The following ADRA2C variants were observed in gnomAD, a reference collection of about 807,000 sequenced individuals.
ADRA2C encodes adrenoceptor alpha 2C.
In ADRA2C, 4 loss-of-function variants were observed where a neutral mutation model predicts 7.9. The observed-to-expected ratio is 0.51, with a 90% CI of 0.25 to 1.16. The LOEUF (loss-of-function observed/expected upper bound fraction) is 1.16. ADRA2C is among the 50% of genes most tolerant of loss of function. ADRA2C has a pLI of 0.15. For synonymous variants in ADRA2C, 368 were observed against 328.9 expected (o/e 1.12, Z -1.29); for missense variants, 589 against 677.7 (o/e 0.87, Z 1.45).
Position 3,767,646 on chromosome 4 carries a change from G to A in ADRA2C, c.1040G>A (p.Arg347His). ...CCGGGGCCCGGTGGCCGCCTGTCGC[G>A]CGCCAGCTCGCGCTCCGTCGAGTTC... ...RSPGPGGRLS[R>H]ASSRSVEFFL... Residue 347 changes from arginine (R) to histidine (H), a missense_variant, in exon 1 of 1, where the codon CGC (arginine) becomes CAC (histidine). By Grantham distance (29) the Arg-to-His change is conservative. Coordinates refer to ENST00000330055, the MANE Select transcript of ADRA2C (RefSeq NM_000683.4). 1 of 1,404,792 alleles carries A rather than the reference G, an allele frequency of 7.1e-7. No individual in the cohort carries two copies. Among genetic ancestry groups the A allele is most frequent in the South Asian group, 1.6e-5 (1 of 63,028 alleles). 87.0% of individuals were successfully genotyped at this position (1,404,792 alleles called of 1,614,324 possible).
Position 3,768,270 on chromosome 4 carries a change from CT to C in ADRA2C, c.*276del, listed in dbSNP as rs1486019668. On this transcript the variant is annotated 3_prime_UTR_variant, in exon 1 of 1. Coordinates refer to ENST00000330055, the MANE Select transcript of ADRA2C (RefSeq NM_000683.4). ...CTCTGGGAGCCCTGCCGAGGTGTGG[CT>C]GTGAGGTCAGGGTTTTAGAGAGCAG... 1 of 717,324 alleles carries C rather than the reference CT, an allele frequency of 1.4e-6. No homozygotes were observed. The highest frequency in any genetic ancestry group is 2.6e-6 in the Non-Finnish European group (1 of 385,278). 44.4% of individuals were successfully genotyped at this position (717,324 alleles called of 1,614,324 possible). A position where few individuals can be genotyped will look rare whatever the true frequency, so the allele number is the denominator to read the frequency against.
In ADRA2C at chr4:3,767,059, G is replaced by C; in HGVS notation, c.453G>C (p.Trp151Cys). The change falls in exon 1 of 1, where the codon TGG (tryptophan) becomes TGC (cysteine). Residue 151 changes from tryptophan (W) to cysteine (C), a missense_variant. Trp to Cys is a radical substitution (Grantham distance 215). Transcript: ENST00000330055. The stretch of plus-strand genomic sequence containing the variant: ...GTGCCATCAGCCTGGACCGCTACTG[G>C]TCGGTGACGCAGGCCGTCGAGTACA... ...HLCAISLDRY[W>C]SVTQAVEYNL... The C allele has an allele frequency of 6.2e-7, 1 of 1,611,100 alleles. No homozygotes were observed. The highest frequency in any genetic ancestry group is 8.5e-7 in the Non-Finnish European group (1 of 1,179,886).
In ADRA2C at chr4:3,768,099, TC is replaced by T; in HGVS notation, c.*106del. ...CCAGAGACCCGGGGATGGATTGGCCTCCAGGGCGCAGGGGAGGGTGCGGCAG... is the reference window on the plus strand; with the variant it reads ...CCAGAGACCCGGGGATGGATTGGCCTCAGGGCGCAGGGGAGGGTGCGGCAG... On this transcript the variant is annotated 3_prime_UTR_variant, in exon 1 of 1. Transcript: ENST00000330055. 1 of 131,958 alleles carries T rather than the reference TC, an allele frequency of 7.6e-6. No homozygotes were observed. Among genetic ancestry groups the T allele is most frequent in the East Asian group, 6.8e-5 (1 of 14,704 alleles). The allele number at this position is 131,958 out of a possible 1,614,324, so 8.2% of individuals were successfully genotyped here.
chr4:3,767,168 G>A lies in ADRA2C; in HGVS notation c.562G>A (p.Val188Ile). 1 of 1,609,718 alleles carries A rather than the reference G, an allele frequency of 6.2e-7. No homozygotes were observed. The highest frequency in any genetic ancestry group is 2.2e-5 in the East Asian group (1 of 44,852). Residue 188 changes from valine to isoleucine, a missense_variant, in exon 1 of 1, where the codon GTC becomes ATC. Physicochemically the swap from Val to Ile is conservative, Grantham distance 29. Transcript: ENST00000330055. Reference sequence around the variant, plus strand: ...GGCCGTCATCTCCTTCCCGCCGCTGGTCTCGCTCTACCGCCAGCCCGACGG... The same window carrying A: ...GGCCGTCATCTCCTTCCCGCCGCTGATCTCGCTCTACCGCCAGCCCGACGG... ...ISAVISFPPL[V>I]SLYRQPDGAA...
In ADRA2C at chr4:3,768,097, C is replaced by T. The variant is rs551817810; in HGVS notation, c.*102C>T. On this transcript the variant is annotated 3_prime_UTR_variant, in exon 1 of 1. Transcript: ENST00000330055. ...TCCCAGAGACCCGGGGATGGATTGG[C>T]CTCCAGGGCGCAGGGGAGGGTGCGG... The T allele has an allele frequency of 2.9e-3, 357 of 123,544 alleles. 1 individual carries two copies. The African/African-American group carries it at 0.06, about 21-fold the overall frequency. 7.7% of individuals were successfully genotyped at this position (123,544 alleles called of 1,614,324 possible). A position where few individuals can be genotyped will look rare whatever the true frequency, so the allele number is the denominator to read the frequency against.
Position 3,767,759 on chromosome 4 carries a change from G to T in ADRA2C, c.1153G>T (p.Ala385Ser). ...CGAGAAGCGCTTCACCTTTGTGCTG[G>T]CTGTGGTCATGGGCGTGTTCGTGCT... ...AREKRFTFVL[A>S]VVMGVFVLCW... Residue 385 changes from alanine to serine, a missense_variant, in exon 1 of 1, where the codon GCT becomes TCT. Transcript: ENST00000330055. The T allele has an allele frequency of 1.2e-6, 2 of 1,613,190 alleles. No homozygotes were observed. The highest frequency in any genetic ancestry group is 1.7e-6 in the Non-Finnish European group (2 of 1,179,802).
At position 3,767,407 on chromosome 4, in the gene ADRA2C, G is replaced by T; in HGVS notation, c.801G>T (p.Ala267=). 6.5e-7 allele frequency: 1 copy of T among 1,532,552 alleles called. No homozygotes were observed. The allele number at this position is 1,532,552 out of a possible 1,614,324, so 94.9% of individuals were successfully genotyped here. The change falls in exon 1 of 1, where the codon GCG becomes GCT. Residue 267 remains alanine, a synonymous_variant. Transcript: ENST00000330055. ...SPTTENGLGA[A]AGAGENGHCA... is the part of the protein sequence containing the mutation. The stretch of plus-strand genomic sequence containing the variant: ...CTACCGAAAACGGGCTGGGCGCGGC[G>T]GCAGGCGCAGGCGAGAACGGGCACT...
Position 3,767,367 on chromosome 4 carries a change from A to T in ADRA2C, c.761A>T (p.Asp254Val), listed in dbSNP as rs768388600. 1.7e-5 allele frequency: 26 copies of T among 1,542,188 alleles called. No individual in the cohort carries two copies. In the Admixed American group the frequency reaches 4.7e-4, roughly 28 times the overall value. Residue 254 changes from aspartate (D) to valine (V), a missense_variant, in exon 1 of 1, where the codon GAC becomes GTC. By Grantham distance (152) the Asp-to-Val change is radical. Coordinates refer to ENST00000330055, the MANE Select transcript of ADRA2C (RefSeq NM_000683.4). ...LSEKRAPVGP[D>V]GASPTTENGL... ...GAGAAGCGCGCCCCCGTGGGCCCCG[A>T]CGGTGCGTCCCCGACTACCGAAAAC... is the stretch of plus-strand genomic sequence containing the variant.
In ADRA2C at chr4:3,768,496, AC is replaced by A; in HGVS notation, c.*502del. The A allele has an allele frequency of 1.7e-6, 1 of 582,392 alleles. No individual in the cohort carries two copies. The highest frequency in any genetic ancestry group is 3.1e-6 in the Non-Finnish European group (1 of 319,732). The allele number at this position is 582,392 out of a possible 1,614,324, so 36.1% of individuals were successfully genotyped here. On this transcript the variant is annotated 3_prime_UTR_variant, in exon 1 of 1. Coordinates refer to ENST00000330055, the MANE Select transcript of ADRA2C (RefSeq NM_000683.4). ...CAAAAACAACAGCCAAAACAACCAAACTATTTTCTAAATAAACCTTTGTAAT... is the reference window on the plus strand; with the variant it reads ...CAAAAACAACAGCCAAAACAACCAAATATTTTCTAAATAAACCTTTGTAAT...
chr4:3,767,299 G>C lies in ADRA2C; in HGVS notation c.693G>C (p.Ala231=), dbSNP rs1187676443. ...APCLIMGLVY[A]RIYRVAKLRT... Reference sequence around the variant, plus strand: ...GCCTCATCATGGGCCTGGTCTACGCGCGCATCTACCGAGTGGCCAAGCTGC... The same window carrying C: ...GCCTCATCATGGGCCTGGTCTACGCCCGCATCTACCGAGTGGCCAAGCTGC... The change falls in exon 1 of 1, where the codon GCG becomes GCC. Residue 231 remains alanine (A), a synonymous_variant. Transcript: ENST00000330055. 1 of 1,596,404 alleles carries C rather than the reference G, an allele frequency of 6.3e-7. No individual in the cohort carries two copies. Among genetic ancestry groups the C allele is most frequent in the African/African-American group, 1.3e-5 (1 of 74,580 alleles).
In ADRA2C at chr4:3,768,308, G is replaced by A. The variant is rs1735506987; in HGVS notation, c.*313G>A. The A allele has an allele frequency of 1.4e-6, 1 of 716,916 alleles. No homozygotes were observed. Among genetic ancestry groups the A allele is most frequent in the Non-Finnish European group, 2.6e-6 (1 of 384,992 alleles). 44.4% of individuals were successfully genotyped at this position (716,916 alleles called of 1,614,324 possible). A position where few individuals can be genotyped will look rare whatever the true frequency, so the allele number is the denominator to read the frequency against. The stretch of plus-strand genomic sequence containing the variant: ...GTTTTAGAGAGCAGTGGCAGAGGTA[G>A]CCCCCTAAATGGGCAAGCAAGGAGC... On this transcript the variant is annotated 3_prime_UTR_variant, in exon 1 of 1. Transcript: ENST00000330055.
Position 3,767,197 on chromosome 4 carries a change from C to T in ADRA2C, c.591C>T (p.Ala197=), listed in dbSNP as rs1216691211. Residue 197 remains alanine, a synonymous_variant, in exon 1 of 1, where the codon GCC becomes GCT. Transcript: ENST00000330055. ...LVSLYRQPDG[A]AYPQCGLNDE... is the part of the protein sequence containing the mutation. Reference sequence around the variant, plus strand: ...CGCTCTACCGCCAGCCCGACGGCGCCGCCTACCCGCAGTGCGGCCTCAACG... The same window carrying T: ...CGCTCTACCGCCAGCCCGACGGCGCTGCCTACCCGCAGTGCGGCCTCAACG... 1.2e-6 allele frequency: 2 copies of T among 1,610,368 alleles called. No homozygotes were observed. Among genetic ancestry groups the T allele is most frequent in the Non-Finnish European group, 1.7e-6 (2 of 1,179,482 alleles).
Position 3,767,627 on chromosome 4 carries a change from C to T in ADRA2C, c.1021C>T (p.Pro341Ser). 7.3e-7 allele frequency: 1 copy of T among 1,361,384 alleles called. No homozygotes were observed. 84.3% of individuals were successfully genotyped at this position (1,361,384 alleles called of 1,614,324 possible). The change falls in exon 1 of 1, where the codon CCC becomes TCC. Residue 341 changes from proline to serine, a missense_variant. Transcript: ENST00000330055. ...GCTGACCGCCTCCAGGTCCCCGGGG[C>T]CCGGTGGCCGCCTGTCGCGCGCCAG... Reference protein sequence around the residue: ...GALTASRSPGPGGRLSRASSR... With the variant: ...GALTASRSPGSGGRLSRASSR...
In ADRA2C at chr4:3,767,693, G is replaced by T; in HGVS notation, c.1087G>T (p.Ala363Ser). ...GTTCTTCCTGTCGCGCCGGCGCCGG[G>T]CGCGCAGCAGCGTGTGCCGCCGCAA... is the stretch of plus-strand genomic sequence containing the variant. ...VEFFLSRRRR[A>S]RSSVCRRKVA... The change falls in exon 1 of 1, where the codon GCG (alanine) becomes TCG (serine). Residue 363 changes from alanine (A) to serine (S), a missense_variant. Coordinates refer to ENST00000330055, the MANE Select transcript of ADRA2C (RefSeq NM_000683.4). The T allele has an allele frequency of 6.3e-7, 1 of 1,599,236 alleles. No homozygotes were observed. Among genetic ancestry groups the T allele is most frequent in the Non-Finnish European group, 8.5e-7 (1 of 1,174,370 alleles).
Position 3,767,595 on chromosome 4 carries a change from C to T in ADRA2C, c.989C>T (p.Ser330Leu). Residue 330 changes from serine (S) to leucine (L), a missense_variant, in exon 1 of 1, where the codon TCG (serine) becomes TTG (leucine). Physicochemically the swap from Ser to Leu is moderately radical, Grantham distance 145 (BLOSUM62 -2). Coordinates refer to ENST00000330055, the MANE Select transcript of ADRA2C (RefSeq NM_000683.4). ...GGGGCGGGGCCGGGGGCGGCTGAGT[C>T]GGGGGCGCTGACCGCCTCCAGGTCC... ...GQGAGPGAAESGALTASRSPG... is the reference protein window; with the variant it reads ...GQGAGPGAAELGALTASRSPG... 1 of 1,284,450 alleles carries T rather than the reference C, an allele frequency of 7.8e-7. No individual in the cohort carries two copies. Among genetic ancestry groups the T allele is most frequent in the South Asian group, 2.4e-5 (1 of 41,790 alleles). The allele number at this position is 1,284,450 out of a possible 1,614,324, so 79.6% of individuals were successfully genotyped here. A position where few individuals can be genotyped will look rare whatever the true frequency, so the allele number is the denominator to read the frequency against.
At position 3,767,240 on chromosome 4, in the gene ADRA2C, C is replaced by A; in HGVS notation, c.634C>A (p.Leu212Met). The A allele has an allele frequency of 6.2e-7, 1 of 1,610,058 alleles. No individual in the cohort carries two copies. Residue 212 changes from leucine to methionine, a missense_variant, in exon 1 of 1, where the codon CTG (leucine) becomes ATG (methionine). Leu to Met is a conservative substitution (Grantham distance 15). Coordinates refer to ENST00000330055, the MANE Select transcript of ADRA2C (RefSeq NM_000683.4). ...CGLNDETWYILSSCIGSFFAP... is the reference protein window; with the variant it reads ...CGLNDETWYIMSSCIGSFFAP... The stretch of plus-strand genomic sequence containing the variant: ...CCTCAACGACGAGACCTGGTACATC[C>A]TGTCCTCCTGCATCGGCTCCTTCTT...
In ADRA2C at chr4:3,768,460, T is replaced by C. The variant is rs1048236020; in HGVS notation, c.*465T>C. ...ACAATCTTTGATTACTGAAAGTATTTAAATGTTTGCCAAAAACAACAGCCA... is the reference window on the plus strand; with the variant it reads ...ACAATCTTTGATTACTGAAAGTATTCAAATGTTTGCCAAAAACAACAGCCA... On this transcript the variant is annotated 3_prime_UTR_variant, in exon 1 of 1. Coordinates refer to ENST00000330055, the MANE Select transcript of ADRA2C (RefSeq NM_000683.4). The C allele has an allele frequency of 1.7e-5, 10 of 599,146 alleles. No homozygotes were observed. The highest frequency in any genetic ancestry group is 2.7e-5 in the Non-Finnish European group (9 of 328,834). The allele number at this position is 599,146 out of a possible 1,614,324, so 37.1% of individuals were successfully genotyped here.
At position 3,768,032 on chromosome 4, in the gene ADRA2C, T is replaced by C. The variant is rs894073077; in HGVS notation, c.*37T>C. The C allele has an allele frequency of 2.1e-6, 2 of 960,958 alleles. No individual in the cohort carries two copies. Among genetic ancestry groups the C allele is most frequent in the Non-Finnish European group, 3.0e-6 (2 of 664,426 alleles). 59.5% of individuals were successfully genotyped at this position (960,958 alleles called of 1,614,324 possible). On this transcript the variant is annotated 3_prime_UTR_variant, in exon 1 of 1. Coordinates refer to ENST00000330055, the MANE Select transcript of ADRA2C (RefSeq NM_000683.4). ...CTGGGAATCCTGGACAGCTCCGCGC[T>C]CGGGGCTGGGCAGAAGGGGCGGCCC...
rs373589486 is a variant in ADRA2C at position 3,767,357 on chromosome 4, G to A, written c.751G>A (p.Val251Met). The change falls in exon 1 of 1, where the codon GTG becomes ATG. Residue 251 changes from valine (V) to methionine (M), a missense_variant. Physicochemically the swap from Val to Met is conservative, Grantham distance 21. Transcript: ENST00000330055. ...TRTLSEKRAP[V>M]GPDGASPTTE... Reference sequence around the variant, plus strand: ...CACGCTCAGCGAGAAGCGCGCCCCCGTGGGCCCCGACGGTGCGTCCCCGAC... The same window carrying A: ...CACGCTCAGCGAGAAGCGCGCCCCCATGGGCCCCGACGGTGCGTCCCCGAC... 5 of 1,546,888 alleles carry A rather than the reference G, an allele frequency of 3.2e-6. No individual in the cohort carries two copies. The highest frequency in any genetic ancestry group is 1.9e-5 in the Admixed American group (1 of 51,304).
Sources: gnomAD v4.1 joint callset for allele counts on GRCh38, gnomAD v4.1.1 for gene constraint, MANE v1.5 for transcripts, NCBI Gene and HGNC (gene_info 2026-07-23, HGNC 2026-07-21) for gene names.